The following ATP7B variants were observed in gnomAD, a reference collection of about 807,000 sequenced individuals.
ATP7B encodes the protein ATPase copper transporting beta, also known as copper-transporting ATPase 2.
ATP7B carries 113 observed loss-of-function variants against 118.9 expected under a neutral mutation model. The observed-to-expected ratio is 0.95, with a 90% CI of 0.82 to 1.11. The LOEUF (loss-of-function observed/expected upper bound fraction) is 1.11, where lower values mean the gene tolerates loss of function less well. Ranked by LOEUF, ATP7B falls within the 50% of genes most tolerant of loss-of-function variation. The probability of loss-of-function intolerance (pLI) is 0.00; values close to 1 mark genes in which losing one functional copy is unlikely to be tolerated. For missense variants in ATP7B, 1,867 were observed against 1,871.4 expected (o/e 1.00, Z 0.04); for synonymous variants, 777 against 727.4 (o/e 1.07, Z -1.10).
At chr13:51,956,724 G>A (rs1958372276) in intron 9 of ATP7B, among the ~76,000 whole-genome samples, 1 of 152,074 alleles carries the variant, frequency 6.6e-6, no homozygotes, top group Non-Finnish European at 1.5e-5. Flanking sequence ...TATGAAGGAG[G>A]GCTGAAATAA....
chr13:51,996,000 C>T (rs1483531385), intron 1 of ATP7B, among the ~76,000 whole-genome samples: 1 of 152,190 alleles, frequency 6.6e-6, no homozygotes, highest in Non-Finnish European at 1.5e-5. Flanking sequence ...GAGAGATATG[C>T]CACTTCCTTT....
At chr13:51,940,000 CTTTTTTTTTTTTTTTTTT>C (rs10555680) in intron 16 of ATP7B, among the ~76,000 whole-genome samples, 1 of 52,292 alleles carries the variant, frequency 1.9e-5, no homozygotes, top group Non-Finnish European at 3.2e-5. Context: ...CACATGCAGT[CTTTTTTTTTTTTTTTTTT>C]TTTTTTTTTT....
At position 51,974,238 on chromosome 13, in the gene ATP7B, G is replaced by C; in HGVS notation, c.982C>G (p.Pro328Ala). Residue 328 changes from proline to alanine, a missense_variant, in exon 2 of 21, where the codon CCT (proline) becomes GCT (alanine). Coordinates refer to ENST00000242839, the MANE Select transcript of ATP7B (RefSeq NM_000053.4). The stretch of plus-strand genomic sequence containing the variant: ...GTCCCACTCCCTTCGGCTCCATCAG[G>C]AAGAGAAACTTTAAAATTCCCAGGT... ...LPPGNFKVSL[P>A]DGAEGSGTDH... The C allele has an allele frequency of 6.2e-7, 1 of 1,614,126 alleles. No homozygotes were observed. Among genetic ancestry groups the C allele is most frequent in the African/African-American group, 1.3e-5 (1 of 75,026 alleles).
intron 15 of ATP7B, among the ~76,000 whole-genome samples, chr13:51,941,844 C>A (rs199822600): frequency 9.8e-6 from 1 of 102,444 alleles, no homozygotes; most frequent in African/African-American, 3.3e-5. Context: ...AATTTCACTA[C>A]CAACACTTAG....
chr13:51,976,736 T>C (rs546919081), intron 1 of ATP7B, among the ~76,000 whole-genome samples: 20 of 152,334 alleles, frequency 1.3e-4, no homozygotes, highest in African/African-American at 2.6e-4. Flanking sequence ...CTGTAGGCAA[T>C]TGTAACACAA....
chr13:51,986,203 A>T (rs752022772), intron 1 of ATP7B, among the ~76,000 whole-genome samples: 121 of 152,190 alleles, frequency 8.0e-4, no homozygotes, highest in Non-Finnish European at 1.6e-3. Context: ...GAGGAATCAA[A>T]TCGATGCAAT....
At chr13:51,989,760 T>C (rs1404371172) in intron 1 of ATP7B, among the ~76,000 whole-genome samples, 1 of 152,206 alleles carries the variant, frequency 6.6e-6, no homozygotes, top group Non-Finnish European at 1.5e-5. Context: ...TGTGCTGCTT[T>C]TAATTTATGT....
chr13:51,974,020 TG>T lies in ATP7B; in HGVS notation c.1199del (p.Thr400LysfsTer8), dbSNP rs1174551964. ...ISVSLAEGTA[T>X]VLYNPSVISP... is the part of the protein sequence containing the mutation. ...TAATTACAGAGGGATTATAAAGAAC[TG>T]TTGCAGTCCCTTCGGCCAAAGACAC... On this transcript the variant is annotated frameshift_variant, in exon 2 of 21. Transcript: ENST00000242839. LOFTEE classifies it high-confidence loss of function. The T allele has an allele frequency of 6.2e-7, 1 of 1,614,146 alleles. No individual in the cohort carries two copies. The highest frequency in any genetic ancestry group is 8.5e-7 in the Non-Finnish European group (1 of 1,180,060).
chr13:51,935,786 C>T, intron 19 of ATP7B, 91 bp from the exon 20 acceptor site: 1 of 1,180,118 alleles, frequency 8.5e-7, no homozygotes. Context: ...CCCTCAGCGG[C>T]CCCCAGTGAG....
intron 4 of ATP7B, chr13:51,967,234 CTTTT>C (rs200161268): frequency 1.2e-6 from 1 of 840,714 alleles, no homozygotes; most frequent in African/African-American, 1.8e-5. Flanking sequence ...CTGTTTCTTT[CTTTT>C]TTTTTTCATT....
chr13:51,998,312 A>C (rs1469343245), intron 1 of ATP7B, among the ~76,000 whole-genome samples: 5 of 152,250 alleles, frequency 3.3e-5, no homozygotes, highest in African/African-American at 1.2e-4. Context: ...ACGTGGTCAG[A>C]TCCTGGAACA....
intron 6 of ATP7B, 104 bp downstream of exon 6, chr13:51,961,733 G>C: frequency 1.8e-6 from 2 of 1,117,658 alleles, no homozygotes; most frequent in Non-Finnish European, 1.4e-6. Context: ...AGCTAATCCA[G>C]GAGGAAGGCA....
chr13:52,011,969 G>T, upstream of ATP7B: 1 of 300,394 alleles, frequency 3.3e-6, no homozygotes. Flanking sequence ...CCTGGCTGCC[G>T]GACGCCGTGG....
At chr13:51,988,755 A>G (rs914704249) in intron 1 of ATP7B, among the ~76,000 whole-genome samples, 7 of 152,196 alleles carry the variant, frequency 4.6e-5, no homozygotes, top group African/African-American at 1.7e-4. Context: ...TGTTCTTTGC[A>G]GGGACATGGA....
chr13:51,939,424 G>C (rs191735055), intron 16 of ATP7B, among the ~76,000 whole-genome samples: 1 of 152,198 alleles, frequency 6.6e-6, no homozygotes, highest in African/African-American at 2.4e-5. Context: ...CAAGGAATAG[G>C]ATTACGAGTG....
chr13:51,975,609 G>A (rs1207842795), intron 1 of ATP7B: 2 of 503,960 alleles, frequency 4.0e-6, no homozygotes, highest in East Asian at 5.6e-5. Flanking sequence ...AAACTTTGGG[G>A]GTCCTGCTGA....
chr13:51,969,364 G>C (rs916052533), intron 3 of ATP7B, among the ~76,000 whole-genome samples: 3 of 151,948 alleles, frequency 2.0e-5, no homozygotes, highest in African/African-American at 7.2e-5. Context: ...TCTCACTCAG[G>C]CTTTAGAAGA....
intron 4 of ATP7B, chr13:51,967,188 A>C: frequency 6.9e-7 from 1 of 1,440,400 alleles, no homozygotes; most frequent in Non-Finnish European, 9.6e-7. Context: ...TAACTAAGAG[A>C]ATGACCAAGC....
intron 2 of ATP7B, among the ~76,000 whole-genome samples, chr13:51,973,457 C>T (rs1951938690): frequency 6.6e-6 from 1 of 152,156 alleles, no homozygotes; most frequent in African/African-American, 2.4e-5. Context: ...ATGGAATCCA[C>T]TCATGGATTA....
Sources: gnomAD v4.1 joint callset for allele counts (sites outside exome capture counted in the v4.1 genomes callset) on GRCh38, gnomAD v4.1.1 for gene constraint, MANE v1.5 for transcripts, NCBI Gene and HGNC (gene_info 2026-07-23, HGNC 2026-07-21) for gene names.